The following HOOK3 variants were observed in gnomAD, a reference collection of about 807,000 sequenced individuals.
The protein encoded by HOOK3 is hook microtubule tethering protein 3, also known as protein Hook homolog 3.
Under a neutral mutation model 116.3 loss-of-function variants are expected in HOOK3, and 24 were observed. The ratio of observed to expected loss-of-function variants is 0.21; its 90% CI spans 0.15 to 0.29. The LOEUF (loss-of-function observed/expected upper bound fraction) is 0.29. Among genes scored for constraint, HOOK3 ranks in the 10% least tolerant of loss-of-function variants. The pLI, the probability that HOOK3 is intolerant of heterozygous loss-of-function variation, is 1.00. For missense variants in HOOK3, 632 were observed against 830.2 expected, an observed-to-expected ratio of 0.76 and a Z score of 2.93; for synonymous variants, 275 against 283.0, an observed-to-expected ratio of 0.97 and a Z score of 0.28.
intron 4 of HOOK3, among the ~76,000 whole-genome samples, chr8:42,935,590 G>A (rs1807953796): frequency 1.3e-5 from 2 of 152,150 alleles, no homozygotes; most frequent in African/African-American, 4.8e-5. Flanking sequence ...AAGGGGTCCA[G>A]TTTCAGTTTT....
chr8:42,914,200 G>A (rs1586588208), intron 2 of HOOK3, among the ~76,000 whole-genome samples: 2 of 152,144 alleles, frequency 1.3e-5, no homozygotes, highest in East Asian at 3.9e-4. Flanking sequence ...AACATTCTCT[G>A]CCCTTCATTG....
chr8:42,921,119 C>T (rs569906359), intron 2 of HOOK3, among the ~76,000 whole-genome samples: 11 of 151,624 alleles, frequency 7.3e-5, no homozygotes, highest in East Asian at 5.8e-4. Context: ...TATTTTATAA[C>T]CTTGGAGATC....
chr8:42,946,518 ATT>A (rs35256929), intron 5 of HOOK3, among the ~76,000 whole-genome samples: 1 of 148,814 alleles, frequency 6.7e-6, no homozygotes. Context: ...AAGACGATGA[ATT>A]TTTTTTTTTA....
At chr8:42,900,361 GT>G (rs1807161132) in intron 1 of HOOK3, among the ~76,000 whole-genome samples, 2 of 152,090 alleles carry the variant, frequency 1.3e-5, no homozygotes, top group Admixed American at 6.5e-5. Flanking sequence ...ACTTTTCCAG[GT>G]TTTAGAGACT....
intron 13 of HOOK3, among the ~76,000 whole-genome samples, chr8:42,980,728 A>G (rs1586619912): frequency 6.6e-6 from 1 of 152,176 alleles, no homozygotes; most frequent in Non-Finnish European, 1.5e-5. Context: ...TACTAAAATT[A>G]CAAGAACTAT....
At chr8:42,988,265 G>A (rs1011398717) in intron 15 of HOOK3, among the ~76,000 whole-genome samples, 1 of 152,180 alleles carries the variant, frequency 6.6e-6, no homozygotes, top group African/African-American at 2.4e-5. Flanking sequence ...GCAGCTGGCG[G>A]GTGGGCAGTC....
rs1336925795 is a variant in HOOK3 at position 42,964,249 on chromosome 8, G to A, written c.616-62G>A. 11 of 1,491,236 alleles carry A rather than the reference G, an allele frequency of 7.4e-6. No homozygotes were observed. In the African/African-American group the frequency reaches 1.5e-4, roughly 21 times the overall value. The allele number at this position is 1,491,236 out of a possible 1,614,324, so 92.4% of individuals were successfully genotyped here. A position where few individuals can be genotyped will look rare whatever the true frequency, so the allele number is the denominator to read the frequency against. ...TTTAATTTGTAATGGTAATTCACAA[G>A]TGATTGAGCTGATGCCAGTGTAGTT... is the stretch of plus-strand genomic sequence containing the variant. On this transcript the variant is annotated intron_variant, in intron 8 of 21. Transcript: ENST00000307602.
chr8:43,026,228 AT>A lies in HOOK3; in HGVS notation c.*7732del, dbSNP rs1809931125. On this transcript the variant is annotated 3_prime_UTR_variant, in exon 22 of 22. Coordinates refer to ENST00000307602, the MANE Select transcript of HOOK3 (RefSeq NM_032410.4). The stretch of plus-strand genomic sequence containing the variant: ...CATGGGTAGTGATTACTCCGTGTAC[AT>A]TCTATAGTGTGTGTATTTTATTTAG... The A allele has an allele frequency of 5.0e-6, 1 of 201,828 alleles. No individual in the cohort carries two copies. The allele number at this position is 201,828 out of a possible 1,614,324, so 12.5% of individuals were successfully genotyped here.
chr8:42,921,474 C>T (rs1411219511), intron 2 of HOOK3, among the ~76,000 whole-genome samples: 1 of 152,120 alleles, frequency 6.6e-6, no homozygotes, highest in Non-Finnish European at 1.5e-5. Context: ...GAAATCACTT[C>T]AGTTGTTTTT....
chr8:42,923,217 T>C (rs750510108), intron 2 of HOOK3, among the ~76,000 whole-genome samples: 22 of 152,182 alleles, frequency 1.4e-4, no homozygotes, highest in Non-Finnish European at 2.8e-4. Context: ...TAACGAGTAT[T>C]GGCAAGGCTG....
At position 43,020,456 on chromosome 8, in the gene HOOK3, GC is replaced by G. The variant is rs1229965597; in HGVS notation, c.*1959del. 1 of 185,850 alleles carries G rather than the reference GC, an allele frequency of 5.4e-6. No homozygotes were observed. The highest frequency in any genetic ancestry group is 1.1e-5 in the Non-Finnish European group (1 of 87,944). 11.5% of individuals were successfully genotyped at this position (185,850 alleles called of 1,614,324 possible). ...GGGCCAGACGTGGTGCCTCACGCCTGCAATCTCACCATTTGGGAGACCTAGG... is the reference window on the plus strand; with the variant it reads ...GGGCCAGACGTGGTGCCTCACGCCTGAATCTCACCATTTGGGAGACCTAGG... On this transcript the variant is annotated 3_prime_UTR_variant, in exon 22 of 22. Transcript: ENST00000307602.
chr8:42,941,089 G>A (rs1808107713), intron 4 of HOOK3, among the ~76,000 whole-genome samples: 1 of 151,904 alleles, frequency 6.6e-6, no homozygotes, highest in Admixed American at 6.5e-5. Flanking sequence ...TAGGACCACA[G>A]TCTCCTGCCA....
intron 13 of HOOK3, among the ~76,000 whole-genome samples, chr8:42,974,919 A>G (rs1808791760): frequency 6.6e-6 from 1 of 152,162 alleles, no homozygotes; most frequent in Admixed American, 6.5e-5. Context: ...CTGGCAGTCC[A>G]GCTGTCTGTG....
At chr8:43,000,323 AT>A in intron 16 of HOOK3, 1 of 1,195,434 alleles carries the variant, frequency 8.4e-7, no homozygotes, top group Non-Finnish European at 1.1e-6. Flanking sequence ...CAGTTTTTGG[AT>A]TTAGACTGCC....
chr8:42,973,435 C>A, intron 12 of HOOK3, 36 bp downstream of exon 12: 1 of 1,361,260 alleles, frequency 7.3e-7, no homozygotes, highest in East Asian at 2.3e-5. Flanking sequence ...GTTTTGAGCA[C>A]TGCTAAAATT....
At chr8:42,901,504 G>A (rs187977140) in intron 1 of HOOK3, among the ~76,000 whole-genome samples, 1 of 152,052 alleles carries the variant, frequency 6.6e-6, no homozygotes, top group African/African-American at 2.4e-5. Flanking sequence ...CTAGTTCCAA[G>A]AACATTTTCA....
At position 43,004,845 on chromosome 8, in the gene HOOK3, A is replaced by G. The variant is rs74360554; in HGVS notation, c.1655+2704A>G. Among the ~76,000 whole-genome samples the G allele has an allele frequency of 5.2e-3, 795 of 152,242 alleles. 13 individuals are homozygous for G. The highest frequency in any genetic ancestry group is 0.018 in the African/African-American group (760 of 41,546). On this transcript the variant is annotated intron_variant, in intron 17 of 21. Transcript: ENST00000307602. ...ATCAGTCTGCTTAGTAAACCTGGAC[A>G]TGCCACATACTCTGTGACCTCTCAG...
chr8:42,926,041 C>A (rs1434004233), intron 3 of HOOK3, among the ~76,000 whole-genome samples: 1 of 152,148 alleles, frequency 6.6e-6, no homozygotes, highest in Non-Finnish European at 1.5e-5. Flanking sequence ...TCATTATTAA[C>A]TGTATCGTAA....
chr8:42,909,344 C>G (rs1000294780), intron 2 of HOOK3, among the ~76,000 whole-genome samples: 1 of 152,214 alleles, frequency 6.6e-6, no homozygotes, highest in Admixed American at 6.5e-5. Context: ...CCTGCACTTC[C>G]ACATTTCTTG....
Sources: allele counts gnomAD v4.1 joint callset (sites outside exome capture counted in the v4.1 genomes callset), GRCh38; gene constraint gnomAD v4.1.1; transcripts MANE v1.5; gene names NCBI Gene and HGNC (gene_info 2026-07-23, HGNC 2026-07-21).